Variants in ELMO1 observed in about 807,000 individuals in gnomAD.
The protein encoded by ELMO1 is engulfment and cell motility protein 1.
In ELMO1, 26 loss-of-function variants were observed where a neutral mutation model predicts 98.9. That is an observed-to-expected ratio of 0.26 (90% confidence interval 0.19 to 0.36). The LOEUF is 0.36. Among genes scored for constraint, ELMO1 ranks in the 10% least tolerant of loss-of-function variants. The pLI, the probability that ELMO1 is intolerant of heterozygous loss-of-function variation, is 1.00. For missense variants in ELMO1, 627 were observed against 935.2 expected, an observed-to-expected ratio of 0.67 and a Z score of 4.30; for synonymous variants, 346 against 346.0, an observed-to-expected ratio of 1.00 and a Z score of 0.00.
chr7:36,980,940 GT>G (rs1157702221), intron 16 of ELMO1, among the ~76,000 whole-genome samples: 2 of 151,996 alleles, frequency 1.3e-5, no homozygotes, highest in African/African-American at 2.4e-5. Context: ...AAAGAAAGAA[GT>G]TGTAAAGGAC....
intron 4 of ELMO1, among the ~76,000 whole-genome samples, chr7:37,274,926 A>G (rs535369677): frequency 1.3e-5 from 2 of 152,312 alleles, no homozygotes; most frequent in Admixed American, 1.3e-4. Flanking sequence ...ATAAACTAAC[A>G]TTTATTGAAA....
At chr7:37,273,458 ATTG>A (rs1796673983) in intron 4 of ELMO1, among the ~76,000 whole-genome samples, 1 of 152,126 alleles carries the variant, frequency 6.6e-6, no homozygotes, top group Non-Finnish European at 1.5e-5. Flanking sequence ...TTCTGCCATG[ATTG>A]TTAAGTTTTT....
intron 15 of ELMO1, among the ~76,000 whole-genome samples, chr7:37,054,260 C>A (rs1387142393): frequency 6.6e-6 from 1 of 152,180 alleles, no homozygotes; most frequent in Non-Finnish European, 1.5e-5. Flanking sequence ...AAAACCTAGT[C>A]TTTTCCAAAA....
At chr7:36,915,633 C>A (rs1402296709) in intron 16 of ELMO1, among the ~76,000 whole-genome samples, 1 of 152,232 alleles carries the variant, frequency 6.6e-6, no homozygotes, top group African/African-American at 2.4e-5. Flanking sequence ...GAAGGCTGGA[C>A]TGCTGTCTTC....
intron 2 of ELMO1, among the ~76,000 whole-genome samples, chr7:37,338,088 C>G (rs935351781): frequency 2.6e-5 from 4 of 152,208 alleles, no homozygotes; most frequent in African/African-American, 9.7e-5. Context: ...AACCAGAGTA[C>G]CTAATTTTCT....
intron 15 of ELMO1, among the ~76,000 whole-genome samples, chr7:37,042,052 T>C (rs1274706193): frequency 6.6e-6 from 1 of 150,852 alleles, no homozygotes; most frequent in African/African-American, 2.4e-5. Context: ...TGGGAGGCTG[T>C]GGCAGGTGGA....
intron 2 of ELMO1, among the ~76,000 whole-genome samples, chr7:37,318,231 CTT>C (rs1476006641): frequency 1.3e-5 from 2 of 152,172 alleles, no homozygotes; most frequent in Non-Finnish European, 2.9e-5. Context: ...AGAAACAAAA[CTT>C]ATTTCCATAA....
At chr7:37,208,967 T>A (rs1265382543) in intron 13 of ELMO1, among the ~76,000 whole-genome samples, 1 of 151,848 alleles carries the variant, frequency 6.6e-6, no homozygotes, top group Non-Finnish European at 1.5e-5. Context: ...CAAGTCCTCA[T>A]AAGCGCTAAA....
chr7:37,293,492 T>C (rs1797861719), intron 4 of ELMO1, among the ~76,000 whole-genome samples: 1 of 103,684 alleles, frequency 9.6e-6, no homozygotes, highest in Admixed American at 1.0e-4. Context: ...GTGCAAGTTG[T>C]GCTTTGTTAA....
intron 13 of ELMO1, among the ~76,000 whole-genome samples, chr7:37,141,407 G>C (rs1039164566): frequency 6.6e-6 from 1 of 152,098 alleles, no homozygotes; most frequent in East Asian, 1.9e-4. Flanking sequence ...ACTACACATT[G>C]GGTACAGTGT....
intron 13 of ELMO1, among the ~76,000 whole-genome samples, chr7:37,195,891 C>T (rs1394917420): frequency 6.6e-6 from 1 of 152,166 alleles, no homozygotes; most frequent in African/African-American, 2.4e-5. Flanking sequence ...TAGTATATGA[C>T]ATCACAGATA....
At chr7:37,431,566 T>C (rs1052844972) in intron 1 of ELMO1, among the ~76,000 whole-genome samples, 8 of 152,176 alleles carry the variant, frequency 5.3e-5, no homozygotes, top group Middle Eastern at 3.2e-3. Context: ...AGAGTCAGTT[T>C]ATAGTGAGTT....
chr7:36,865,299 T>G (rs1338118834), intron 20 of ELMO1, among the ~76,000 whole-genome samples: 1 of 152,178 alleles, frequency 6.6e-6, no homozygotes, highest in African/African-American at 2.4e-5. Flanking sequence ...GTGTGGGTGT[T>G]AAATTATGGT....
chr7:36,887,706 C>A (rs755257740), intron 17 of ELMO1, 34 bp from the exon 18 acceptor site: 16 of 1,601,458 alleles, frequency 1.0e-5, no homozygotes, highest in Admixed American at 1.7e-5. Flanking sequence ...CCACAGCATG[C>A]CTTGAGAAAC....
intron 15 of ELMO1, among the ~76,000 whole-genome samples, chr7:37,074,617 C>T (rs948863688): frequency 6.6e-6 from 1 of 152,112 alleles, no homozygotes; most frequent in Non-Finnish European, 1.5e-5. Flanking sequence ...ACAGTAGGTG[C>T]CCCACAGAAG....
intron 1 of ELMO1, among the ~76,000 whole-genome samples, chr7:37,417,172 C>T (rs1356323151): frequency 6.6e-6 from 1 of 152,094 alleles, no homozygotes; most frequent in Non-Finnish European, 1.5e-5. Context: ...AAAGACTGGA[C>T]CAGAGGCAGC....
At position 37,010,007 on chromosome 7, in the gene ELMO1, G is replaced by A. The variant is rs201800808; in HGVS notation, c.1437+3292C>T. On this transcript the variant is annotated intron_variant, in intron 16 of 21. Coordinates refer to ENST00000310758, the MANE Select transcript of ELMO1 (RefSeq NM_014800.11). ...AAAGCAGAACAGTGGCTGATAGATG[G>A]GCAGCAGAAAAAAATCAGAAAGGCA... 2.2e-3 allele frequency among the ~76,000 whole-genome samples: 340 copies of A among 152,242 alleles called. 1 individual carries two copies. Among genetic ancestry groups the A allele is most frequent in the East Asian group, 4.4e-3 (23 of 5,184 alleles).
Position 37,211,419 on chromosome 7 carries a change from C to T in ELMO1, c.1053G>A (p.Met351Ile). Residue 351 changes from methionine (M) to isoleucine (I), a missense_variant, in exon 13 of 22, where the codon ATG (methionine) becomes ATA (isoleucine). Physicochemically the swap from Met to Ile is conservative, Grantham distance 10 (BLOSUM62 1). Transcript: ENST00000310758. ...CAAGCTTCTTATAATCTCGCGTGTA[C>T]ATGGACTTGCGTTTCTCCATGCTGC... ...SSGSMEKRKS[M>I]YTRDYKKLGF... The T allele has an allele frequency of 6.2e-7, 1 of 1,614,000 alleles. No homozygotes were observed. The highest frequency in any genetic ancestry group is 2.2e-5 in the East Asian group (1 of 44,856).
chr7:36,931,804 A>G (rs73115385), intron 16 of ELMO1, among the ~76,000 whole-genome samples: 16,316 of 152,248 alleles, frequency 0.11, 993 homozygotes, highest in Middle Eastern at 0.19. Context: ...GTGGAGGGAG[A>G]TACATCCTCC....
Sources: gnomAD v4.1 joint callset for allele counts (sites outside exome capture counted in the v4.1 genomes callset) on GRCh38, gnomAD v4.1.1 for gene constraint, MANE v1.5 for transcripts, NCBI Gene and HGNC (gene_info 2026-07-23, HGNC 2026-07-21) for gene names.